The following ANO4 variants were observed in gnomAD, a reference collection of about 807,000 sequenced individuals.
ANO4 encodes anoctamin 4, also known as anoctamin-4.
ANO4 carries 69 observed loss-of-function variants against 141.9 expected under a neutral mutation model. The ratio of observed to expected loss-of-function variants is 0.49; its 90% CI spans 0.40 to 0.59. The LOEUF is 0.59. Among genes scored for constraint, ANO4 ranks in the 20% least tolerant of loss-of-function variants. ANO4 has a pLI of 0.00. For missense variants in ANO4, 894 were observed against 1,162.2 expected (o/e 0.77, Z 3.36); for synonymous variants, 350 against 394.3 (o/e 0.89, Z 1.33).
At chr12:101,042,178 G>T (rs750002882) in intron 11 of ANO4, among the ~76,000 whole-genome samples, 156 bp from the exon 12 acceptor site, 21 of 152,154 alleles carry the variant, frequency 1.4e-4, no homozygotes, top group Non-Finnish European at 2.8e-4. Context: ...TGTAAGCCCA[G>T]ATCCTAGATT....
At chr12:101,118,540 G>T (rs2050949030) in intron 25 of ANO4, among the ~76,000 whole-genome samples, 1 of 152,124 alleles carries the variant, frequency 6.6e-6, no homozygotes, top group Non-Finnish European at 1.5e-5. Flanking sequence ...CAGCTTGCGG[G>T]CTGAAAATAT....
At chr12:100,977,771 G>T (rs1442226069) in intron 7 of ANO4, among the ~76,000 whole-genome samples, 1 of 152,094 alleles carries the variant, frequency 6.6e-6, no homozygotes, top group Non-Finnish European at 1.5e-5. Flanking sequence ...TCTGATTATT[G>T]TCACTTGGTG....
chr12:101,092,282 T>A (rs1270692646), intron 17 of ANO4, among the ~76,000 whole-genome samples: 5 of 151,780 alleles, frequency 3.3e-5, no homozygotes, highest in Non-Finnish European at 5.9e-5. Flanking sequence ...AAGTCCACAT[T>A]TATTGATCAG....
At chr12:101,055,748 T>C (rs921066713) in intron 14 of ANO4, among the ~76,000 whole-genome samples, 1 of 152,164 alleles carries the variant, frequency 6.6e-6, no homozygotes, top group Non-Finnish European at 1.5e-5. Flanking sequence ...AAACTCAAAG[T>C]TTCTAAGATT....
At chr12:101,098,910 T>A (rs188664106) in intron 21 of ANO4, among the ~76,000 whole-genome samples, 3 of 152,280 alleles carry the variant, frequency 2.0e-5, no homozygotes, top group Admixed American at 2.0e-4. Flanking sequence ...ATCCTTCAAC[T>A]TTTTCCTTGT....
chr12:101,071,578 G>A (rs1606866), intron 14 of ANO4, among the ~76,000 whole-genome samples: 37,259 of 151,528 alleles, frequency 0.25, 4,917 homozygotes, highest in East Asian at 0.56. Context: ...GAGGAGGGGG[G>A]ATGGTTAATG....
In ANO4 at chr12:100,857,208, G is replaced by A. The variant is rs895884056; in HGVS notation, c.-140-44438G>A. On this transcript the variant is annotated intron_variant, in intron 1 of 27. Coordinates refer to ENST00000392977, the MANE Select transcript of ANO4 (RefSeq NM_001286615.2). ...GTCCAGTTTTCAGTGGTTTCTCTTC[G>A]TTGCTAAGAAGCTTGAACATATACA... Among the ~76,000 whole-genome samples the A allele has an allele frequency of 2.0e-4, 30 of 152,156 alleles. 1 individual carries two copies. Among genetic ancestry groups the A allele is most frequent in the Admixed American group, 2.6e-4 (4 of 15,278 alleles).
At chr12:100,801,110 T>TCTCTCC (rs2034659064) in intron 1 of ANO4, among the ~76,000 whole-genome samples, 1 of 151,592 alleles carries the variant, frequency 6.6e-6, no homozygotes, top group African/African-American at 2.4e-5. Flanking sequence ...TCTCTCTCTC[T>TCTCTCC]CTCTCTCTCT....
Position 100,996,846 on chromosome 12 carries a change from A to G in ANO4, c.734+9176A>G, listed in dbSNP as rs2045397222. ...AAGTTAAAGCCAGTAGTGATCAGCCAATCAAACAGTGGTAGCACCAATGGC... is the reference window on the plus strand; with the variant it reads ...AAGTTAAAGCCAGTAGTGATCAGCCGATCAAACAGTGGTAGCACCAATGGC... On this transcript the variant is annotated intron_variant, in intron 8 of 27. Coordinates refer to ENST00000392977, the MANE Select transcript of ANO4 (RefSeq NM_001286615.2). Among the ~76,000 whole-genome samples, 8 of 152,332 alleles carry G rather than the reference A, an allele frequency of 5.3e-5. No homozygotes were observed. The South Asian group carries it at 1.5e-3, about 28-fold the overall frequency.
At chr12:101,115,500 C>T (rs966246730) in intron 24 of ANO4, among the ~76,000 whole-genome samples, 3 of 152,116 alleles carry the variant, frequency 2.0e-5, no homozygotes, top group Non-Finnish European at 2.9e-5. Flanking sequence ...GCCAATATTA[C>T]ATGACTAGAA....
intron 1 of ANO4, among the ~76,000 whole-genome samples, chr12:100,873,186 C>G (rs528456149): frequency 1.4e-4 from 22 of 152,172 alleles, no homozygotes; most frequent in Admixed American, 7.9e-4. Context: ...TTCTTTATAG[C>G]AATGTGAGAA....
At chr12:100,820,673 A>G (rs962410946) in intron 1 of ANO4, among the ~76,000 whole-genome samples, 9 of 152,174 alleles carry the variant, frequency 5.9e-5, no homozygotes, top group African/African-American at 1.9e-4. Flanking sequence ...TGCATAGGCA[A>G]AATGTAAGCC....
At chr12:100,763,280 G>A (rs1194649501) in intron 3 of ANO4, among the ~76,000 whole-genome samples, 3 of 152,150 alleles carry the variant, frequency 2.0e-5, no homozygotes, top group Non-Finnish European at 4.4e-5. Context: ...CACAGGCGTG[G>A]CAGCACTATC....
chr12:101,069,261 A>G, intron 14 of ANO4: 3 of 1,110,352 alleles, frequency 2.7e-6, no homozygotes, highest in Non-Finnish European at 4.1e-6. Context: ...AAGAAAAGAA[A>G]TGAATGTGAA....
At chr12:101,081,092 A>G (rs920334878) in intron 15 of ANO4, among the ~76,000 whole-genome samples, 1 of 150,590 alleles carries the variant, frequency 6.6e-6, no homozygotes, top group African/African-American at 2.4e-5. Context: ...CAGGCTGACT[A>G]TGACATCTAT....
At chr12:101,085,888 A>G (rs2049472638) in intron 16 of ANO4, among the ~76,000 whole-genome samples, 1 of 152,180 alleles carries the variant, frequency 6.6e-6, no homozygotes, top group African/African-American at 2.4e-5. Flanking sequence ...CTTACTTTCT[A>G]GTAGGGGAGC....
At chr12:100,852,986 A>T (rs2037961447) in intron 1 of ANO4, among the ~76,000 whole-genome samples, 1 of 152,162 alleles carries the variant, frequency 6.6e-6, no homozygotes, top group Admixed American at 6.5e-5. Context: ...TTAATCATTC[A>T]TGTGGTGTGT....
intron 5 of ANO4, among the ~76,000 whole-genome samples, chr12:100,952,071 T>A (rs1048647174): frequency 3.9e-5 from 6 of 152,176 alleles, no homozygotes; most frequent in Non-Finnish European, 8.8e-5. Flanking sequence ...TTTGTTGTAG[T>A]GTCTAGGGGG....
At chr12:100,955,648 C>T (rs2043147674) in intron 5 of ANO4, among the ~76,000 whole-genome samples, 1 of 152,042 alleles carries the variant, frequency 6.6e-6, no homozygotes, top group South Asian at 2.1e-4. Context: ...ATATGCTCAG[C>T]GTATTTGAGG....
Sources: gnomAD v4.1 joint callset for allele counts (sites outside exome capture counted in the v4.1 genomes callset) on GRCh38, gnomAD v4.1.1 for gene constraint, MANE v1.5 for transcripts, NCBI Gene and HGNC (gene_info 2026-07-23, HGNC 2026-07-21) for gene names.